Variants in IPO9 observed in about 807,000 individuals in gnomAD.
The protein encoded by IPO9 is importin-9.
A neutral mutation model predicts 128.6 loss-of-function variants in IPO9; 28 were observed. That is an observed-to-expected ratio of 0.22 (90% CI 0.16 to 0.30). The LOEUF is 0.30. IPO9 is among the 10% of genes least tolerant of loss of function. The pLI is 1.00. For missense variants in IPO9, 935 were observed against 1,293.9 expected (o/e 0.72, Z 4.26); for synonymous variants, 455 against 475.8 (o/e 0.96, Z 0.57).
chr1:201,875,820 C>T, intron 23 of IPO9, 124 bp from the exon 24 acceptor site: 1 of 700,152 alleles, frequency 1.4e-6, no homozygotes, highest in Non-Finnish European at 2.6e-6. Flanking sequence ...AAAGACCATC[C>T]CTCAGGGAGC....
intron 4 of IPO9, among the ~76,000 whole-genome samples, chr1:201,851,462 G>A (rs1353053026): frequency 7.1e-6 from 1 of 141,776 alleles, no homozygotes; most frequent in Non-Finnish European, 1.5e-5. Flanking sequence ...GGTGTATTTG[G>A]TTTTTTTTTT....
At position 201,844,861 on chromosome 1, in the gene IPO9, A is replaced by G. The variant is rs893745916; in HGVS notation, c.164-2418A>G. Among the ~76,000 whole-genome samples, 8 of 152,348 alleles carry G rather than the reference A, an allele frequency of 5.3e-5. No homozygotes were observed. In the South Asian group the frequency reaches 6.2e-4, roughly 12 times the overall value. ...GGTGGAACATAGATGGGAAAGCCAA[A>G]CAGTGTATTCATGATAGACAATAAA... On this transcript the variant is annotated intron_variant, in intron 1 of 23. Transcript: ENST00000361565.
At chr1:201,847,709 T>G in intron 3 of IPO9, 71 bp downstream of exon 3, 2 of 1,066,890 alleles carry the variant, frequency 1.9e-6, no homozygotes, top group Non-Finnish European at 2.9e-6. Context: ...GACTATAACA[T>G]TCTTTGACAG....
chr1:201,863,519 A>G lies in IPO9; in HGVS notation c.1540A>G (p.Ile514Val), dbSNP rs374608931. ...RFTVAMSPEL[I>V]QQFLQATVSG... ...CACTGTTGCTATGTCCCCTGAACTG[A>G]TCCAGCAGTTCCTACAGGCAACAGT... Residue 514 changes from isoleucine to valine, a missense_variant, in exon 14 of 24, where the codon ATC (isoleucine) becomes GTC (valine). Ile to Val is a conservative substitution (Grantham distance 29). This residue lies in a region of IPO9 where 741 missense variants were observed against 1,019.1 expected (regional missense o/e 0.73). Coordinates refer to ENST00000361565, the MANE Select transcript of IPO9 (RefSeq NM_018085.5). 5 of 1,607,822 alleles carry G rather than the reference A, an allele frequency of 3.1e-6. No individual in the cohort carries two copies. The African/African-American group carries it at 5.3e-5, about 17-fold the overall frequency.
At chr1:201,869,501 A>T in intron 16 of IPO9, 89 bp from the exon 17 acceptor site, 1 of 1,496,870 alleles carries the variant, frequency 6.7e-7, no homozygotes, top group Non-Finnish European at 9.1e-7. Context: ...CTGGGTTGCT[A>T]TGTAATACCC....
At chr1:201,836,188 C>T (rs1333977481) in intron 1 of IPO9, among the ~76,000 whole-genome samples, 1 of 148,798 alleles carries the variant, frequency 6.7e-6, no homozygotes, top group Non-Finnish European at 1.5e-5. Flanking sequence ...CACACACACA[C>T]GTACTTTTTT....
At chr1:201,871,391 T>C in intron 19 of IPO9, 64 bp downstream of exon 19, 3 of 1,081,132 alleles carry the variant, frequency 2.8e-6, no homozygotes, top group Admixed American at 2.9e-5. Flanking sequence ...TTTTTTTTTT[T>C]TTTTTTTTTT....
At chr1:201,833,487 C>T (rs1431079166) in intron 1 of IPO9, among the ~76,000 whole-genome samples, 1 of 152,140 alleles carries the variant, frequency 6.6e-6, no homozygotes, top group Non-Finnish European at 1.5e-5. Context: ...GATCCACCCA[C>T]CTTGCCCTCC....
At chr1:201,869,217 C>T (rs1680607939) in intron 16 of IPO9, among the ~76,000 whole-genome samples, 1 of 152,154 alleles carries the variant, frequency 6.6e-6, no homozygotes, top group South Asian at 2.1e-4. Flanking sequence ...TGCCACTGCA[C>T]TCCAGCCTGG....
At position 201,834,748 on chromosome 1, in the gene IPO9, C is replaced by G. The variant is rs549789910; in HGVS notation, c.163+5376C>G. Among the ~76,000 whole-genome samples the G allele has an allele frequency of 1.9e-4, 29 of 152,260 alleles. No individual in the cohort carries two copies. The South Asian group carries it at 2.1e-3, about 11-fold the overall frequency. On this transcript the variant is annotated intron_variant, in intron 1 of 23. Transcript: ENST00000361565. Reference sequence around the variant, plus strand: ...CTTGTCTAGTTCCCAGTAGATAAGTCACAGAGAATACATTTTTCTTCCCTT... The same window carrying G: ...CTTGTCTAGTTCCCAGTAGATAAGTGACAGAGAATACATTTTTCTTCCCTT...
chr1:201,858,806 T>C, intron 12 of IPO9, 49 bp from the exon 13 acceptor site: 2 of 1,544,268 alleles, frequency 1.3e-6, no homozygotes, highest in Non-Finnish European at 1.8e-6. Context: ...AATATTTATC[T>C]CTTTTGGCAG....
chr1:201,853,996 A>C (rs1217927315), intron 6 of IPO9, among the ~76,000 whole-genome samples: 1 of 152,184 alleles, frequency 6.6e-6, no homozygotes, highest in Non-Finnish European at 1.5e-5. Context: ...TCGGCCTCCC[A>C]AAGTGCTGGG....
At chr1:201,846,285 T>C (rs1199357451) in intron 1 of IPO9, among the ~76,000 whole-genome samples, 1 of 152,266 alleles carries the variant, frequency 6.6e-6, no homozygotes, top group African/African-American at 2.4e-5. Flanking sequence ...TCATAACTGG[T>C]GGCATATATC....
At chr1:201,831,744 G>A (rs1679836597) in intron 1 of IPO9, among the ~76,000 whole-genome samples, 1 of 152,146 alleles carries the variant, frequency 6.6e-6, no homozygotes, top group African/African-American at 2.4e-5. Flanking sequence ...TTTCCAGCCG[G>A]GATTTAGCCA....
intron 14 of IPO9, among the ~76,000 whole-genome samples, chr1:201,864,365 C>G (rs1680511346): frequency 6.6e-6 from 1 of 152,206 alleles, no homozygotes; most frequent in African/African-American, 2.4e-5. Context: ...TGAAGCAGAT[C>G]TTTGGCTCTA....
At position 201,858,450 on chromosome 1, in the gene IPO9, G is replaced by A; in HGVS notation, c.1225G>A (p.Val409Met). The part of the protein sequence containing the change: ...RIAAQDLLLA[V>M]ATDFQNESAA... Reference sequence around the variant, plus strand: ...ATTAGCTCTTCTCTCTCTATAGGCTGTGGCCACAGATTTCCAGAATGAAAG... The same window carrying A: ...ATTAGCTCTTCTCTCTCTATAGGCTATGGCCACAGATTTCCAGAATGAAAG... The change falls in exon 12 of 24, where the codon GTG becomes ATG. Residue 409 changes from valine to methionine, a missense_variant. Physicochemically the swap from Val to Met is conservative, Grantham distance 21. Coordinates refer to ENST00000361565, the MANE Select transcript of IPO9 (RefSeq NM_018085.5). The A allele has an allele frequency of 6.4e-7, 1 of 1,556,544 alleles. No homozygotes were observed.
intron 4 of IPO9, among the ~76,000 whole-genome samples, chr1:201,850,023 TCCAAG>T (rs1680187936): frequency 6.6e-6 from 1 of 152,224 alleles, no homozygotes. Context: ...CTCTCAGTCT[TCCAAG>T]ATGAAATTCA....
At chr1:201,829,407 G>A (rs1455483414) in intron 1 of IPO9, 35 bp downstream of exon 1, 1 of 1,523,414 alleles carries the variant, frequency 6.6e-7, no homozygotes, top group Non-Finnish European at 8.8e-7. Context: ...GGATGGCTCA[G>A]CCGCACAATC....
chr1:201,867,756 TTTTTA>T (rs1680581447), intron 15 of IPO9, among the ~76,000 whole-genome samples: 1 of 152,148 alleles, frequency 6.6e-6, no homozygotes, highest in Admixed American at 6.6e-5. Flanking sequence ...AAGGATTCTT[TTTTTA>T]AAGAGAGAGC....
Sources: gnomAD v4.1 joint callset for allele counts (sites outside exome capture counted in the v4.1 genomes callset) on GRCh38, gnomAD v4.1.1 for gene constraint, gnomAD v4.1.1 regional missense constraint, MANE v1.5 for transcripts, NCBI Gene and HGNC (gene_info 2026-07-23, HGNC 2026-07-21) for gene names.